CYBRD1: variants seen among roughly 807,000 people sequenced by gnomAD.
CYBRD1 encodes cytochrome b reductase 1.
Under a neutral mutation model 21.9 loss-of-function variants are expected in CYBRD1, and 14 were observed. That is an observed-to-expected ratio of 0.64 (90% CI 0.42 to 1.00). CYBRD1 has a LOEUF of 1.00. Ranked by LOEUF, CYBRD1 falls within the 50% of genes least tolerant of loss-of-function variation. The pLI, the probability that CYBRD1 is intolerant of heterozygous loss-of-function variation, is 0.00. For missense variants in CYBRD1, 328 were observed against 352.5 expected (o/e 0.93, Z 0.56); for synonymous variants, 146 against 136.5 (o/e 1.07, Z -0.48).
At chr2:171,539,074 AGCACCGAGTGGCTCACTGAGC>A (rs908747812) in intron 1 of CYBRD1, among the ~76,000 whole-genome samples, 5 of 152,146 alleles carry the variant, frequency 3.3e-5, no homozygotes, top group Non-Finnish European at 5.9e-5. Context: ...CTGAAATTAC[AGCACCGAGTGGCTCACTGAGC>A]GCAGTGAGCC....
chr2:171,522,241 A>C (rs1697314941), upstream of CYBRD1: 2 of 1,549,922 alleles, frequency 1.3e-6, no homozygotes, highest in Admixed American at 3.9e-5. This position sits in a 1 kb window ranked among gnomAD's most constrained non-coding sequence, Gnocchi z 4.3. Flanking sequence ...GCAACTAACT[A>C]GGTCTGTTAC....
intron 2 of CYBRD1, among the ~76,000 whole-genome samples, chr2:171,548,002 A>G (rs1697741928): frequency 6.6e-6 from 1 of 152,186 alleles, no homozygotes; most frequent in African/African-American, 2.4e-5. Flanking sequence ...AAGACAGTGT[A>G]GCAAGGAGAT....
At chr2:171,548,786 A>G (rs1035080150) in intron 2 of CYBRD1, among the ~76,000 whole-genome samples, 4 of 150,296 alleles carry the variant, frequency 2.7e-5, no homozygotes, top group Non-Finnish European at 5.9e-5. Flanking sequence ...AAAAAAAAAG[A>G]AAACAAAAGA....
chr2:171,530,503 C>T (rs1317853464), intron 1 of CYBRD1, among the ~76,000 whole-genome samples: 4 of 152,184 alleles, frequency 2.6e-5, no homozygotes, highest in African/African-American at 7.2e-5. Flanking sequence ...GTCAAATCCT[C>T]ATGCAGCAGA....
At chr2:171,542,606 G>A (rs1574440083) in intron 2 of CYBRD1, among the ~76,000 whole-genome samples, 1 of 152,306 alleles carries the variant, frequency 6.6e-6, no homozygotes, top group Non-Finnish European at 1.5e-5. Flanking sequence ...TGGGCATAGT[G>A]CACTGCTCAC....
At chr2:171,550,498 G>T (rs1432036247) in intron 2 of CYBRD1, among the ~76,000 whole-genome samples, 1 of 152,014 alleles carries the variant, frequency 6.6e-6, no homozygotes, top group Non-Finnish European at 1.5e-5. Context: ...ACCTTCACTT[G>T]TAAGGTAGTA....
chr2:171,533,933 C>T (rs186117433), intron 1 of CYBRD1, among the ~76,000 whole-genome samples: 9 of 151,992 alleles, frequency 5.9e-5, no homozygotes, highest in African/African-American at 2.2e-4. Flanking sequence ...CTTGAAATCC[C>T]GACCTTAAGA....
chr2:171,531,667 C>A (rs899227434), intron 1 of CYBRD1, among the ~76,000 whole-genome samples: 1 of 152,016 alleles, frequency 6.6e-6, no homozygotes, highest in Non-Finnish European at 1.5e-5. Flanking sequence ...TTATATTGAT[C>A]CTTAAATATT....
intron 1 of CYBRD1, chr2:171,541,074 A>AT (rs1697624161): frequency 5.8e-6 from 1 of 172,076 alleles, no homozygotes; most frequent in Non-Finnish European, 1.3e-5. Context: ...AAACTGAGAC[A>AT]TTTTTAAGAA....
rs1314159591 is a variant in CYBRD1 at position 171,527,115 on chromosome 2, C to T, written c.193+4377C>T. ...GATAACGGAGAAAGTGTCCCAAATA[C>T]CTACTCTAAAAGAAGCTTCAGGGAC... is the stretch of plus-strand genomic sequence containing the variant. On this transcript the variant is annotated intron_variant, in intron 1 of 3. Transcript: ENST00000321348. Among the ~76,000 whole-genome samples the T allele has an allele frequency of 2.0e-5, 3 of 152,192 alleles. No homozygotes were observed. The Middle Eastern group carries it at 0.01, about 518-fold the overall frequency.
chr2:171,547,168 C>CT (rs1480071144), intron 2 of CYBRD1, among the ~76,000 whole-genome samples: 4 of 152,084 alleles, frequency 2.6e-5, no homozygotes, highest in Admixed American at 1.3e-4. Context: ...GAGGAGAGGG[C>CT]TGGAGGAGTG....
intron 2 of CYBRD1, among the ~76,000 whole-genome samples, chr2:171,546,468 G>A (rs1423143103): frequency 6.6e-6 from 1 of 152,010 alleles, no homozygotes; most frequent in East Asian, 1.9e-4. Flanking sequence ...TTGATCATAG[G>A]TACCTTCATG....
intron 1 of CYBRD1, among the ~76,000 whole-genome samples, chr2:171,532,690 A>G (rs1466312081): frequency 9.2e-5 from 14 of 151,432 alleles, no homozygotes; most frequent in Admixed American, 8.6e-4. Context: ...AATCCCAGCT[A>G]TTTGGGAGGC....
chr2:171,533,945 A>G (rs1340726893), intron 1 of CYBRD1, among the ~76,000 whole-genome samples: 3 of 151,816 alleles, frequency 2.0e-5, no homozygotes, highest in Admixed American at 2.0e-4. Context: ...ACCTTAAGAG[A>G]TCCGCCTGTC....
chr2:171,533,758 C>CT (rs1346220250), intron 1 of CYBRD1, among the ~76,000 whole-genome samples: 3 of 141,456 alleles, frequency 2.1e-5, no homozygotes, highest in East Asian at 2.2e-4. Context: ...CTTTTCTTTT[C>CT]TTTCTTTCTT....
intron 2 of CYBRD1, among the ~76,000 whole-genome samples, chr2:171,550,463 T>A (rs1697782248): frequency 6.6e-6 from 1 of 152,130 alleles, no homozygotes; most frequent in Admixed American, 6.6e-5. Flanking sequence ...CTTATAATTT[T>A]CGGTCCACTA....
intron 2 of CYBRD1, 61 bp from the exon 3 acceptor site, chr2:171,553,285 A>G: frequency 6.4e-7 from 1 of 1,572,318 alleles, no homozygotes; most frequent in East Asian, 2.3e-5. Flanking sequence ...CTTTTTAAAT[A>G]ATTTAAAATT....
At chr2:171,528,231 A>C (rs552366377) in intron 1 of CYBRD1, among the ~76,000 whole-genome samples, 1 of 151,948 alleles carries the variant, frequency 6.6e-6, no homozygotes, top group East Asian at 1.9e-4. Context: ...GATTACAGGT[A>C]TGCACCACGA....
At chr2:171,540,067 A>C (rs1256311172) in intron 1 of CYBRD1, among the ~76,000 whole-genome samples, 2 of 152,170 alleles carry the variant, frequency 1.3e-5, no homozygotes, top group African/African-American at 2.4e-5. Context: ...TACATGCAGA[A>C]TGATGAATCT....
Sources: gnomAD v4.1 joint callset for allele counts (sites outside exome capture counted in the v4.1 genomes callset) on GRCh38, gnomAD v4.1.1 for gene constraint, Gnocchi (gnomAD v3.1) non-coding constraint, MANE v1.5 for transcripts, NCBI Gene and HGNC (gene_info 2026-07-23, HGNC 2026-07-21) for gene names.